Variants in FILIP1 observed in about 807,000 individuals in gnomAD.
The protein encoded by FILIP1 is filamin-A-interacting protein 1.
In FILIP1, 61 loss-of-function variants were observed where a neutral mutation model predicts 102.1. That is an observed-to-expected ratio of 0.60 (90% CI 0.49 to 0.74). The LOEUF is 0.74. Ranked by LOEUF, FILIP1 falls within the 30% of genes least tolerant of loss-of-function variation. The pLI, the probability that FILIP1 is intolerant of heterozygous loss-of-function variation, is 0.00. For missense variants in FILIP1, 1,314 were observed against 1,441.2 expected (o/e 0.91, Z 1.43); for synonymous variants, 491 against 526.9 (o/e 0.93, Z 0.93).
chr6:75,415,080 A>G, intron 1 of FILIP1, 102 bp from the exon 2 acceptor site: 7 of 1,018,942 alleles, frequency 6.9e-6, no homozygotes, highest in South Asian at 6.5e-5. Flanking sequence ...CACATCGCCA[A>G]TAAGGAAAAA....
At chr6:75,319,810 A>G (rs1773582561) in intron 4 of FILIP1, 2 of 343,146 alleles carry the variant, frequency 5.8e-6, no homozygotes, top group South Asian at 7.3e-5. Context: ...AGCCTGGGCA[A>G]CAGAGCAAGA....
intron 2 of FILIP1, among the ~76,000 whole-genome samples, chr6:75,411,530 CTAGGGCTTT>C (rs1465689241): frequency 6.6e-6 from 1 of 152,164 alleles, no homozygotes; most frequent in Non-Finnish European, 1.5e-5. Context: ...AGGTTTTCTT[CTAGGGCTTT>C]TATGGTTTTA....
At chr6:75,408,670 A>C (rs1248785142) in intron 2 of FILIP1, among the ~76,000 whole-genome samples, 1 of 152,204 alleles carries the variant, frequency 6.6e-6, no homozygotes, top group Non-Finnish European at 1.5e-5. Flanking sequence ...TGTAAAGGAG[A>C]AAATTGGCAT....
chr6:75,379,155 G>T (rs1447561104), intron 2 of FILIP1, among the ~76,000 whole-genome samples: 1 of 152,100 alleles, frequency 6.6e-6, no homozygotes, highest in African/African-American at 2.4e-5. Flanking sequence ...TTTCATAAAA[G>T]TAAGTTGTTA....
intron 2 of FILIP1, among the ~76,000 whole-genome samples, chr6:75,412,989 A>G (rs1322141112): frequency 6.6e-6 from 1 of 152,186 alleles, no homozygotes; most frequent in African/African-American, 2.4e-5. Context: ...AGCAAAATGC[A>G]TTTCTTTGGA....
intron 1 of FILIP1, among the ~76,000 whole-genome samples, chr6:75,468,308 AAATAT>A (rs1429987655): frequency 6.6e-6 from 1 of 152,220 alleles, no homozygotes; most frequent in Non-Finnish European, 1.5e-5. Context: ...CATTAAAAAG[AAATAT>A]AATAGAGTTC....
chr6:75,326,489 G>C (rs1437666219), intron 4 of FILIP1, among the ~76,000 whole-genome samples: 1 of 151,940 alleles, frequency 6.6e-6, no homozygotes, highest in Non-Finnish European at 1.5e-5. Flanking sequence ...AAAACCACCT[G>C]TTCCCCAAAA....
exon 7 of FILIP1, chr6:75,292,279 T>G (rs1772563417): frequency 6.6e-6 from 1 of 152,212 alleles, no homozygotes; most frequent in South Asian, 2.1e-4. Flanking sequence ...CTTGATAATT[T>G]TAAAACAAAA....
chr6:75,379,356 G>T (rs1775834984), intron 2 of FILIP1, among the ~76,000 whole-genome samples: 1 of 152,298 alleles, frequency 6.6e-6, no homozygotes, highest in South Asian at 2.1e-4. Flanking sequence ...TATAGAAATA[G>T]GCGACTGTTT....
intron 1 of FILIP1, among the ~76,000 whole-genome samples, chr6:75,471,764 T>C (rs1183416772): frequency 2.0e-5 from 3 of 152,176 alleles, no homozygotes; most frequent in Non-Finnish European, 4.4e-5. Context: ...GAAGTGAACC[T>C]ATGTGTACTG....
At position 75,356,855 on chromosome 6, in the gene FILIP1, A is replaced by G. The variant is rs1366824738; in HGVS notation, c.451-3138T>C. On this transcript the variant is annotated intron_variant, in intron 3 of 5. Coordinates refer to ENST00000237172, the MANE Select transcript of FILIP1 (RefSeq NM_015687.5). Reference sequence around the variant, plus strand: ...TCTCTATTACAAAATATTCTCCCCAAGAACTTTCCAAATTTCTACGTGTGA... The same window carrying G: ...TCTCTATTACAAAATATTCTCCCCAGGAACTTTCCAAATTTCTACGTGTGA... Among the ~76,000 whole-genome samples the G allele has an allele frequency of 2.0e-5, 3 of 152,338 alleles. No individual in the cohort carries two copies. In the East Asian group the frequency reaches 5.8e-4, roughly 29 times the overall value.
chr6:75,459,412 T>G (rs1778947545), intron 1 of FILIP1, among the ~76,000 whole-genome samples: 1 of 152,208 alleles, frequency 6.6e-6, no homozygotes, highest in Non-Finnish European at 1.5e-5. Context: ...GTACTCATCC[T>G]ATTAAAAGAA....
At chr6:75,371,018 T>C (rs1446361311) in intron 2 of FILIP1, among the ~76,000 whole-genome samples, 1 of 152,160 alleles carries the variant, frequency 6.6e-6, no homozygotes, top group Non-Finnish European at 1.5e-5. Flanking sequence ...TTTACCTGAG[T>C]TGGATAAATA....
chr6:75,327,384 C>T (rs1773900327), intron 4 of FILIP1, among the ~76,000 whole-genome samples: 2 of 152,010 alleles, frequency 1.3e-5, no homozygotes, highest in African/African-American at 4.8e-5. Context: ...CTTGTCCACC[C>T]ACAGTCTGTT....
chr6:75,298,470 A>T (rs1488030666), intron 6 of FILIP1, among the ~76,000 whole-genome samples: 2 of 152,194 alleles, frequency 1.3e-5, no homozygotes. Flanking sequence ...AGTGAGATAA[A>T]ATCTGTATGA....
At chr6:75,430,423 T>C (rs1205787644) in intron 1 of FILIP1, among the ~76,000 whole-genome samples, 2 of 152,284 alleles carry the variant, frequency 1.3e-5, no homozygotes, top group East Asian at 3.9e-4. Context: ...AATTATGTGT[T>C]ATGTTACTCT....
At chr6:75,451,645 A>G (rs893313174) in intron 1 of FILIP1, among the ~76,000 whole-genome samples, 2 of 151,284 alleles carry the variant, frequency 1.3e-5, no homozygotes, top group Admixed American at 6.6e-5. Context: ...AGCCTAGCCA[A>G]TATGGTGAAA....
chr6:75,477,807 A>G (rs1363240127), intron 1 of FILIP1, among the ~76,000 whole-genome samples: 1 of 152,158 alleles, frequency 6.6e-6, no homozygotes, highest in Non-Finnish European at 1.5e-5. Flanking sequence ...TGATTATGTC[A>G]AGGAGGCTAC....
chr6:75,458,059 A>G (rs1778903015), intron 1 of FILIP1: 3 of 152,212 alleles, frequency 2.0e-5, no homozygotes, highest in Admixed American at 6.5e-5. Flanking sequence ...GACAAAAAAC[A>G]AGCAAGTTTT....
Sources: gnomAD v4.1 joint callset for allele counts (sites outside exome capture counted in the v4.1 genomes callset) on GRCh38, gnomAD v4.1.1 for gene constraint, MANE v1.5 for transcripts, NCBI Gene and HGNC (gene_info 2026-07-23, HGNC 2026-07-21) for gene names.